The following VAV2 variants were observed in gnomAD, a reference collection of about 807,000 sequenced individuals.
VAV2 encodes guanine nucleotide exchange factor VAV2.
A neutral mutation model predicts 132.5 loss-of-function variants in VAV2; 67 were observed. That is an observed-to-expected ratio of 0.51 (90% CI 0.42 to 0.62). The LOEUF is 0.62. VAV2 is among the 20% of genes least tolerant of loss of function. VAV2 has a pLI of 0.00. For missense variants in VAV2, 938 were observed against 1,153.6 expected (o/e 0.81, Z 2.71); for synonymous variants, 492 against 443.5 (o/e 1.11, Z -1.37).
Position 133,885,942 on chromosome 9 carries a change from G to A in VAV2, c.322-24510C>T, listed in dbSNP as rs1838686570. ...CAGCTACCTACAAACTCACCATTAA[G>A]GGGACTATGCTAGACAACCAACTTT... On this transcript the variant is annotated intron_variant, in intron 2 of 29. Transcript: ENST00000371850. The surrounding 1 kb of genome is among the most constrained non-coding windows in gnomAD (Gnocchi z 5.0). Among the ~76,000 whole-genome samples the A allele has an allele frequency of 2.6e-5, 4 of 152,308 alleles. No homozygotes were observed. The South Asian group carries it at 8.3e-4, about 32-fold the overall frequency.
intron 2 of VAV2, among the ~76,000 whole-genome samples, chr9:133,925,700 C>T (rs920877967): frequency 6.6e-6 from 1 of 152,148 alleles, no homozygotes; most frequent in Non-Finnish European, 1.5e-5. Context: ...CTGCCTTCCC[C>T]AGCCCTAAGG....
chr9:133,929,950 C>G (rs192928691), intron 2 of VAV2, among the ~76,000 whole-genome samples: 1 of 152,296 alleles, frequency 6.6e-6, no homozygotes, highest in East Asian at 1.9e-4. Context: ...AGCAAAATGC[C>G]ACATAAAAAA....
At chr9:133,859,090 G>A (rs1322144721) in intron 3 of VAV2, among the ~76,000 whole-genome samples, 1 of 152,144 alleles carries the variant, frequency 6.6e-6, no homozygotes. Context: ...AGAGACGTGG[G>A]GGACGGAGGG....
rs923034373 is a variant in VAV2, at chr9:133,918,541, C to T, written c.321+20562G>A. Among the ~76,000 whole-genome samples the T allele has an allele frequency of 2.0e-5, 3 of 149,328 alleles. No homozygotes were observed. Among genetic ancestry groups the T allele is most frequent in the Non-Finnish European group, 4.4e-5 (3 of 67,876 alleles). On this transcript the variant is annotated intron_variant, in intron 2 of 29. Transcript: ENST00000371850. This position sits in a 1 kb window ranked among gnomAD's most constrained non-coding sequence, Gnocchi z 4.7. ...TGCCAGGACAGTGCCAAGTCCTTCA[C>T]GGCAGCTCATTCGTTCCTGCCTCAC...
intron 2 of VAV2, among the ~76,000 whole-genome samples, chr9:133,917,825 A>G (rs1413456418): frequency 6.6e-6 from 1 of 152,224 alleles, no homozygotes; most frequent in African/African-American, 2.4e-5. Context: ...AGAAAAGGCT[A>G]GCTGGACCCA....
chr9:133,930,072 C>T (rs1377304416), intron 2 of VAV2, among the ~76,000 whole-genome samples: 6 of 152,236 alleles, frequency 3.9e-5, no homozygotes, highest in Non-Finnish European at 5.9e-5. Context: ...GGGAACCATC[C>T]GTACCTGCAC....
rs533233469 is a variant in VAV2 at position 133,790,555 on chromosome 9, G to A, written c.1189-1212C>T. The stretch of plus-strand genomic sequence containing the variant: ...AAACAAAACGAACTTTTCTCCTCAC[G>A]TCCTGCTCACTGTACGCATTTGTGA... On this transcript the variant is annotated intron_variant, in intron 13 of 29. Coordinates refer to ENST00000371850, the MANE Select transcript of VAV2 (RefSeq NM_001134398.2). Among the ~76,000 whole-genome samples the A allele has an allele frequency of 1.8e-4, 28 of 152,224 alleles. No homozygotes were observed. The South Asian group carries it at 5.6e-3, about 30-fold the overall frequency.
chr9:133,981,822 C>T (rs900471774), intron 1 of VAV2, among the ~76,000 whole-genome samples: 11 of 152,306 alleles, frequency 7.2e-5, no homozygotes, highest in East Asian at 1.9e-4. Context: ...ACGAGGAGCC[C>T]GGCCTCTGTC....
chr9:133,787,514 G>C (rs1278370676), intron 15 of VAV2, among the ~76,000 whole-genome samples: 1 of 152,206 alleles, frequency 6.6e-6, no homozygotes, highest in African/African-American at 2.4e-5. Flanking sequence ...ACCCTCAACA[G>C]CTCATCCAGT....
chr9:133,910,823 C>CAAA (rs60841450), intron 2 of VAV2, among the ~76,000 whole-genome samples: 21 of 100,552 alleles, frequency 2.1e-4, no homozygotes, highest in Admixed American at 3.3e-4. Context: ...GACTCGGTCT[C>CAAA]AAAAAAAAAA....
intron 1 of VAV2, among the ~76,000 whole-genome samples, chr9:133,982,304 C>T (rs2132294704): frequency 6.6e-6 from 1 of 152,320 alleles, no homozygotes; most frequent in East Asian, 1.9e-4. Flanking sequence ...GGCAGGAGCA[C>T]CAAACTGTGC....
At chr9:133,878,125 G>A (rs866183066) in intron 2 of VAV2, among the ~76,000 whole-genome samples, 18 of 152,314 alleles carry the variant, frequency 1.2e-4, no homozygotes, top group South Asian at 1.0e-3. Flanking sequence ...CAGTCTCAGC[G>A]TAGGGCTGAG....
At chr9:133,789,482 T>C in intron 13 of VAV2, 139 bp from the exon 14 acceptor site, 1 of 756,890 alleles carries the variant, frequency 1.3e-6, no homozygotes, top group South Asian at 1.7e-5. Context: ...ACAGCCCCTG[T>C]GGCTCCCAGC....
intron 17 of VAV2, among the ~76,000 whole-genome samples, chr9:133,785,076 G>A (rs1041982746): frequency 1.3e-5 from 2 of 152,150 alleles, no homozygotes; most frequent in Admixed American, 1.3e-4. Flanking sequence ...CCAGCTGGCT[G>A]CATCTATTCT....
intron 4 of VAV2, among the ~76,000 whole-genome samples, chr9:133,821,192 G>T (rs1249451559): frequency 6.6e-6 from 1 of 152,302 alleles, no homozygotes; most frequent in South Asian, 2.1e-4. Context: ...GCGTGTGGAG[G>T]CTCCGTGTCA....
chr9:133,784,204 A>T lies in VAV2; in HGVS notation c.1634+113T>A, dbSNP rs961258419. 3 of 1,183,434 alleles carry T rather than the reference A, an allele frequency of 2.5e-6. No individual in the cohort carries two copies. The Admixed American group carries it at 5.4e-5, about 21-fold the overall frequency. 73.3% of individuals were successfully genotyped at this position (1,183,434 alleles called of 1,614,324 possible). On this transcript the variant is annotated intron_variant, in intron 18 of 29. Transcript: ENST00000371850. Reference sequence around the variant, plus strand: ...TGACTCTTGTGGGGTATACTCCCTTAACCCCTCAGGGCCTCCCACAGGGAA... The same window carrying T: ...TGACTCTTGTGGGGTATACTCCCTTTACCCCTCAGGGCCTCCCACAGGGAA...
Position 133,788,228 on chromosome 9 carries a change from C to T in VAV2, c.1407+126G>A. 1.3e-6 allele frequency: 1 copy of T among 751,028 alleles called. No individual in the cohort carries two copies. Among genetic ancestry groups the T allele is most frequent in the Non-Finnish European group, 2.1e-6 (1 of 468,054 alleles). The allele number at this position is 751,028 out of a possible 1,614,324, so 46.5% of individuals were successfully genotyped here. A position where few individuals can be genotyped will look rare whatever the true frequency, so the allele number is the denominator to read the frequency against. On this transcript the variant is annotated intron_variant, in intron 15 of 29. Transcript: ENST00000371850. The surrounding 1 kb of genome is among the most constrained non-coding windows in gnomAD (Gnocchi z 5.3). ...CTTCCTGCAGAGCGGAGACGCCCACCCCAACCCACCCGGCCAGCATCAGCG... is the reference window on the plus strand; with the variant it reads ...CTTCCTGCAGAGCGGAGACGCCCACTCCAACCCACCCGGCCAGCATCAGCG...
chr9:133,839,033 T>C (rs1836609900), intron 3 of VAV2, among the ~76,000 whole-genome samples: 2 of 150,072 alleles, frequency 1.3e-5, no homozygotes, highest in South Asian at 4.2e-4. Flanking sequence ...GGTGGGTGGA[T>C]GGATGAAAAG....
intron 3 of VAV2, among the ~76,000 whole-genome samples, chr9:133,858,598 G>A (rs1436622355): frequency 1.3e-5 from 2 of 152,188 alleles, no homozygotes; most frequent in South Asian, 2.1e-4. Context: ...CACACACCCT[G>A]CTACTGTCAC....
Sources: allele counts gnomAD v4.1 joint callset (sites outside exome capture counted in the v4.1 genomes callset), GRCh38; gene constraint gnomAD v4.1.1; non-coding constraint Gnocchi (gnomAD v3.1); transcripts MANE v1.5; gene names NCBI Gene and HGNC (gene_info 2026-07-23, HGNC 2026-07-21).